Variants in RUFY4 observed in about 807,000 individuals in gnomAD.
The protein encoded by RUFY4 is RUN and FYVE domain-containing protein 4.
In RUFY4, 73 loss-of-function variants were observed where a neutral mutation model predicts 69.0. The observed-to-expected ratio is 1.06, with a 90% CI of 0.88 to 1.29. RUFY4 has a LOEUF of 1.29. Among genes scored for constraint, RUFY4 ranks in the 50% most tolerant of loss-of-function variants. The pLI, the probability that RUFY4 is intolerant of heterozygous loss-of-function variation, is 0.00. For missense variants in RUFY4, 770 were observed against 705.6 expected, an observed-to-expected ratio of 1.09 and a Z score of -1.03; for synonymous variants, 287 against 271.8, an observed-to-expected ratio of 1.06 and a Z score of -0.55.
At chr2:218,066,650 G>A (rs1413330261), upstream of RUFY4, among the ~76,000 whole-genome samples, 3 of 152,198 alleles carry the variant, frequency 2.0e-5, no homozygotes, top group African/African-American at 7.2e-5. Flanking sequence ...CCCTCCACCA[G>A]CTTTTCCTAA....
intron 3 of RUFY4, chr2:218,061,570 A>G (rs1418978409): frequency 1.3e-5 from 2 of 157,412 alleles, no homozygotes; most frequent in Non-Finnish European, 2.8e-5. Flanking sequence ...TCTAATTTGT[A>G]TATGGCAGGT....
At chr2:218,063,093 G>A (rs999070959) in intron 3 of RUFY4, among the ~76,000 whole-genome samples, 3 of 152,144 alleles carry the variant, frequency 2.0e-5, no homozygotes, top group Admixed American at 2.0e-4. Context: ...GGTGTAGAGG[G>A]TGGGCTGAAG....
intron 10 of RUFY4, 139 bp downstream of exon 12, chr2:218,089,501 A>T: frequency 1.5e-6 from 1 of 679,190 alleles, no homozygotes; most frequent in East Asian, 2.7e-5. Context: ...TACTCATTCT[A>T]CCACATCTGG....
At chr2:218,086,116 A>G (rs1340303608) in intron 9 of RUFY4, among the ~76,000 whole-genome samples, 2 of 152,238 alleles carry the variant, frequency 1.3e-5, no homozygotes, top group Non-Finnish European at 2.9e-5. Context: ...ATTTTTTTCA[A>G]TTCACTAAAA....
chr2:218,046,175 G>C (rs1688824190), intron 2 of RUFY4, among the ~76,000 whole-genome samples: 1 of 151,796 alleles, frequency 6.6e-6, no homozygotes, highest in African/African-American at 2.4e-5. Context: ...ATCATCTCAA[G>C]TATTTGTCAT....
chr2:218,070,177 G>C, upstream of RUFY4: 1 of 246,676 alleles, frequency 4.1e-6, no homozygotes, highest in Non-Finnish European at 8.1e-6. Context: ...CTCACACCAA[G>C]TCAGGACCCA....
chr2:218,070,163 G>A, upstream of RUFY4: 1 of 223,074 alleles, frequency 4.5e-6, no homozygotes, highest in Non-Finnish European at 9.1e-6. Flanking sequence ...CCCTCACGGG[G>A]TCACTCACAC....
chr2:218,089,995 A>G (rs1045283380), exon 11 of RUFY4: 1 of 1,569,118 alleles, frequency 6.4e-7, no homozygotes, highest in African/African-American at 1.4e-5. Context: ...CATGGATTAC[A>G]AGAAGAGAGA....
At chr2:218,068,684 C>T (rs1308621203), upstream of RUFY4, 1 of 152,682 alleles carries the variant, frequency 6.5e-6, no homozygotes, top group Non-Finnish European at 1.5e-5. Context: ...GAAGGGAAGC[C>T]CCAGCCCACC....
Position 218,059,937 on chromosome 2 carries a change from G to A in RUFY4, c.-1071+1256G>A, listed in dbSNP as rs114880511. Reference sequence around the variant, plus strand: ...AGTGGCCACAACATTTTACATTCCCGCTCACGATGCCCGAGAATTCCACTT... The same window carrying A: ...AGTGGCCACAACATTTTACATTCCCACTCACGATGCCCGAGAATTCCACTT... On this transcript the variant is annotated intron_variant and NMD_transcript_variant, in intron 3 of 13. Transcript: ENST00000457754. 5.7e-3 allele frequency: 968 copies of A among 170,930 alleles called. 4 individuals are homozygous for A. Among genetic ancestry groups the A allele is most frequent in the African/African-American group, 0.022 (935 of 41,600 alleles). The allele number at this position is 170,930 out of a possible 1,614,324, so 10.6% of individuals were successfully genotyped here.
chr2:218,085,298 T>G (rs768334063), intron 9 of RUFY4, among the ~76,000 whole-genome samples: 1 of 152,034 alleles, frequency 6.6e-6, no homozygotes, highest in Non-Finnish European at 1.5e-5. Context: ...GACATTAAAC[T>G]ATGTAATACA....
chr2:218,077,264 C>A (rs1251463808), intron 8 of RUFY4, among the ~76,000 whole-genome samples: 2 of 152,148 alleles, frequency 1.3e-5, no homozygotes. Flanking sequence ...TGTCTCTCAC[C>A]ATCCAGTGTC....
exon 7 of RUFY4, chr2:218,075,136 A>G: frequency 6.5e-7 from 1 of 1,550,042 alleles, no homozygotes; most frequent in Non-Finnish European, 8.7e-7. Context: ...CAGATTGAGG[A>G]CTCACACACC....
rs572878628 is a variant in RUFY4, at chr2:218,044,035, C to T, written c.-1158+8641C>T. ...TTCACATGCAACCTTACTCCATGAT[C>T]GGAGTGGGCACCGGGAGTGGGGAGA... On this transcript the variant is annotated intron_variant and NMD_transcript_variant, in intron 2 of 13. Transcript: ENST00000457754. Among the ~76,000 whole-genome samples, 192 of 152,362 alleles carry T rather than the reference C, an allele frequency of 1.3e-3. 2 individuals carry two copies. The highest frequency in any genetic ancestry group is 0.011 in the South Asian group (52 of 4,828).
At chr2:218,090,094 C>T in exon 11 of RUFY4, 1 of 1,307,526 alleles carries the variant, frequency 7.6e-7, no homozygotes, top group African/African-American at 1.5e-5. Context: ...TCCCACCTGC[C>T]TGCCCATCCC....
chr2:218,040,648 G>A (rs1348710487), intron 2 of RUFY4, among the ~76,000 whole-genome samples: 1 of 152,044 alleles, frequency 6.6e-6, no homozygotes, highest in Non-Finnish European at 1.5e-5. Flanking sequence ...TTTATACCTT[G>A]CCCTTTTGTG....
intron 8 of RUFY4, among the ~76,000 whole-genome samples, chr2:218,078,492 G>T (rs935821751): frequency 1.8e-4 from 27 of 152,290 alleles, no homozygotes; most frequent in Admixed American, 5.9e-4. Flanking sequence ...GTGGGAAAAG[G>T]TCAGGTGAGC....
At chr2:218,053,749 C>G (rs1332877290) in intron 2 of RUFY4, among the ~76,000 whole-genome samples, 3 of 152,152 alleles carry the variant, frequency 2.0e-5, no homozygotes, top group Non-Finnish European at 4.4e-5. Context: ...CCGCCCGCCT[C>G]GGCCTCCCAA....
intron 2 of RUFY4, among the ~76,000 whole-genome samples, chr2:218,047,612 T>C (rs1164315640): frequency 6.6e-6 from 1 of 152,174 alleles, no homozygotes; most frequent in Non-Finnish European, 1.5e-5. Context: ...TTAGTAGTTT[T>C]AATTACATGT....
Sources: gnomAD v4.1 joint callset for allele counts (sites outside exome capture counted in the v4.1 genomes callset) on GRCh38, gnomAD v4.1.1 for gene constraint, MANE v1.5 for transcripts, NCBI Gene and HGNC (gene_info 2026-07-23, HGNC 2026-07-21) for gene names.